The following GNAS variants were observed in gnomAD, a reference collection of about 807,000 sequenced individuals.
GNAS encodes GNAS complex locus, also known as protein ALEX.
Under a neutral mutation model 54.5 loss-of-function variants are expected in GNAS, and 8 were observed. That is an observed-to-expected ratio of 0.15 (90% CI 0.09 to 0.26). The LOEUF (loss-of-function observed/expected upper bound fraction) is 0.26, where lower values mean the gene tolerates loss of function less well. Ranked by LOEUF, GNAS falls within the 10% of genes least tolerant of loss-of-function variation. The probability of loss-of-function intolerance (pLI) is 1.00; values close to 1 mark genes in which losing one functional copy is unlikely to be tolerated. For missense variants in GNAS, 170 were observed against 529.8 expected (o/e 0.32, Z 6.67); for synonymous variants, 204 against 191.4 (o/e 1.07, Z -0.54).
At chr20:58,887,476 T>TA (rs1326892720), upstream of GNAS, among the ~76,000 whole-genome samples, 1 of 152,214 alleles carries the variant, frequency 6.6e-6, no homozygotes, top group Non-Finnish European at 1.5e-5. Context: ...CTATCACTAG[T>TA]ACAGGCAGCC....
chr20:58,900,614 A>G (rs1369534243), intron 3 of GNAS, among the ~76,000 whole-genome samples: 1 of 152,114 alleles, frequency 6.6e-6, no homozygotes, highest in Non-Finnish European at 1.5e-5. Flanking sequence ...AAGACCCTAA[A>G]AGTACTTCCA....
In GNAS at chr20:58,853,260, C is replaced by T. The variant is rs577972437; in HGVS notation, c.43+12374C>T. ...CAAACTTATTTTGAGAGGCCGCCAC[C>T]GTGTTATGGGCGTGCGCAACTGCCT... On this transcript the variant is annotated intron_variant, in intron 1 of 12. Coordinates refer to the GNAS transcript ENST00000306090. The surrounding 1 kb of genome is among the most constrained non-coding windows in gnomAD (Gnocchi z 4.4). 1.5e-5 allele frequency: 23 copies of T among 1,532,496 alleles called. No individual in the cohort carries two copies. Among genetic ancestry groups the T allele is most frequent in the South Asian group, 4.8e-5 (4 of 83,150 alleles). 94.9% of individuals were successfully genotyped at this position (1,532,496 alleles called of 1,614,324 possible).
chr20:58,871,523 A>T (rs376822947), intron 1 of GNAS, among the ~76,000 whole-genome samples: 4 of 150,324 alleles, frequency 2.7e-5, no homozygotes, highest in African/African-American at 9.7e-5. Flanking sequence ...CTGAGACAGG[A>T]GAATCGCTTG....
In GNAS at chr20:58,910,594, G is replaced by A. The variant is rs3730174; in HGVS notation, c.1039-89G>A. ...TTTCATATGACATCAGAGGCTGGCT[G>A]ACAGCCGTCCCTGGTAGGTGTCCCC... On this transcript the variant is annotated intron_variant, in intron 12 of 12. Coordinates refer to ENST00000371085, the MANE Select transcript of GNAS (RefSeq NM_000516.7). This position sits in a 1 kb window ranked among gnomAD's most constrained non-coding sequence, Gnocchi z 5.8. 1.4e-3 allele frequency: 2,114 copies of A among 1,496,758 alleles called. 1 individual carries two copies. Among genetic ancestry groups the A allele is most frequent in the Non-Finnish European group, 1.7e-3 (1,836 of 1,076,880 alleles). 92.7% of individuals were successfully genotyped at this position (1,496,758 alleles called of 1,614,324 possible). A position where few individuals can be genotyped will look rare whatever the true frequency, so the allele number is the denominator to read the frequency against.
At chr20:58,887,498 G>T (rs956396267), upstream of GNAS, among the ~76,000 whole-genome samples, 1 of 152,204 alleles carries the variant, frequency 6.6e-6, no homozygotes, top group African/African-American at 2.4e-5. Flanking sequence ...AGGAATCATC[G>T]ATTCTGAGGC....
At chr20:58,905,031 A>G (rs2090945901) in intron 5 of GNAS, among the ~76,000 whole-genome samples, 1 of 152,168 alleles carries the variant, frequency 6.6e-6, no homozygotes, top group Non-Finnish European at 1.5e-5. Context: ...ACAACATTGA[A>G]CCATTTATTG....
intron 1 of GNAS, among the ~76,000 whole-genome samples, chr20:58,872,144 A>C (rs2087510796): frequency 6.6e-6 from 1 of 152,200 alleles, no homozygotes; most frequent in Non-Finnish European, 1.5e-5. Context: ...AGCTCTGACC[A>C]CTGCCCTCTC....
chr20:58,840,141 G>A (rs752831442), upstream of GNAS: 4 of 1,611,350 alleles, frequency 2.5e-6, no homozygotes, highest in African/African-American at 2.7e-5. This position sits in a 1 kb window ranked among gnomAD's most constrained non-coding sequence, Gnocchi z 6.0. Context: ...CAGTGGCGCC[G>A]AGCTCGCCAT....
upstream of GNAS, among the ~76,000 whole-genome samples, chr20:58,886,420 AC>A (rs2088592350): frequency 1.3e-5 from 2 of 152,158 alleles, no homozygotes; most frequent in Non-Finnish European, 2.9e-5. Context: ...GGCATTTTAT[AC>A]CCAAGATATT....
At chr20:58,905,279 A>G in intron 5 of GNAS, 104 bp from the exon 6 acceptor site, 1 of 753,692 alleles carries the variant, frequency 1.3e-6, no homozygotes, top group Non-Finnish European at 2.4e-6. Flanking sequence ...AATCACACCA[A>G]GTGTCGGTCA....
In GNAS at chr20:58,910,104, C is replaced by T. The variant is rs1196586612; in HGVS notation, c.970+23C>T. On this transcript the variant is annotated intron_variant, in intron 11 of 12. Transcript: ENST00000371085. This position sits in a 1 kb window ranked among gnomAD's most constrained non-coding sequence, Gnocchi z 5.8. ...ATGGTGTGTATGGCTTCCACTCTTG[C>T]TGGCTGTTCATTGCGGTGGTTCTTT... The T allele has an allele frequency of 1.2e-6, 2 of 1,612,264 alleles. No individual in the cohort carries two copies. Among genetic ancestry groups the T allele is most frequent in the Admixed American group, 1.7e-5 (1 of 60,004 alleles).
chr20:58,871,431 A>G (rs760976453), intron 1 of GNAS, among the ~76,000 whole-genome samples: 5 of 152,144 alleles, frequency 3.3e-5, no homozygotes, highest in Non-Finnish European at 7.4e-5. Context: ...CCTGACTAAC[A>G]TGGAGAAACA....
intron 1 of GNAS, chr20:58,842,338 G>A (rs1293858810): frequency 1.0e-5 from 4 of 397,776 alleles, no homozygotes; most frequent in African/African-American, 2.1e-5. Flanking sequence ...GGATGACAAC[G>A]ATTTGGAGGA....
chr20:58,862,501 T>C (rs1289670785), intron 1 of GNAS, among the ~76,000 whole-genome samples: 2 of 151,996 alleles, frequency 1.3e-5, no homozygotes, highest in East Asian at 3.9e-4. Context: ...CTAGATTTTT[T>C]TTTTTCTCCC....
upstream of GNAS, among the ~76,000 whole-genome samples, chr20:58,888,044 T>C (rs1254492610): frequency 6.6e-6 from 1 of 152,260 alleles, no homozygotes. Context: ...CCTCTGGTGG[T>C]ATCAGCCGCC....
intron 1 of GNAS, among the ~76,000 whole-genome samples, chr20:58,877,322 A>C (rs2087891280): frequency 6.6e-6 from 1 of 151,996 alleles, no homozygotes; most frequent in South Asian, 2.1e-4. Context: ...CCAGTGGCCT[A>C]TTCTGTGGGG....
At chr20:58,893,066 C>CTTTTTTTTTTTTT (rs869179421) in intron 1 of GNAS, among the ~76,000 whole-genome samples, 12 of 103,088 alleles carry the variant, frequency 1.2e-4, no homozygotes, top group African/African-American at 2.5e-4. Context: ...GGCGTGGTTT[C>CTTTTTTTTTTTTT]TTTTTTTTTT....
intron 1 of GNAS, among the ~76,000 whole-genome samples, chr20:58,879,185 ATAGCTTC>A (rs1403948344): frequency 6.6e-6 from 1 of 152,246 alleles, no homozygotes; most frequent in Non-Finnish European, 1.5e-5. Context: ...TTGAGATTAG[ATAGCTTC>A]TTAATTTAGA....
At chr20:58,854,225 C>A in intron 1 of GNAS, 3 of 1,613,200 alleles carry the variant, frequency 1.9e-6, no homozygotes, top group Admixed American at 1.7e-5. Flanking sequence ...GGGTCGACGA[C>A]ACTCCCGTCA....
Sources: allele counts gnomAD v4.1 joint callset (sites outside exome capture counted in the v4.1 genomes callset), GRCh38; gene constraint gnomAD v4.1.1; non-coding constraint Gnocchi (gnomAD v3.1); transcripts MANE v1.5; gene names NCBI Gene and HGNC (gene_info 2026-07-23, HGNC 2026-07-21).